The following DYM variants were observed in gnomAD, a reference collection of about 807,000 sequenced individuals.
DYM encodes dymeclin.
DYM carries 78 observed loss-of-function variants against 93.1 expected under a neutral mutation model. The observed-to-expected ratio is 0.84, with a 90% confidence interval of 0.70 to 1.01. The LOEUF is 1.01. Ranked by LOEUF, DYM falls within the 50% of genes least tolerant of loss-of-function variation. The pLI is 0.00. For synonymous variants in DYM, 321 were observed against 319.7 expected, an observed-to-expected ratio of 1.00 and a Z score of -0.04; for missense variants, 789 against 845.0, an observed-to-expected ratio of 0.93 and a Z score of 0.82.
intron 2 of DYM, among the ~76,000 whole-genome samples, chr18:49,422,751 T>A (rs566999766): frequency 2.6e-5 from 4 of 152,268 alleles, no homozygotes; most frequent in African/African-American, 4.8e-5. Context: ...GCAATCCTAG[T>A]CTCTGATAAA....
At chr18:49,341,908 C>T (rs1266339669) in intron 6 of DYM, among the ~76,000 whole-genome samples, 1 of 152,176 alleles carries the variant, frequency 6.6e-6, no homozygotes, top group Non-Finnish European at 1.5e-5. Context: ...TGAATATGTT[C>T]TATCAGCACT....
At chr18:49,440,518 T>A (rs1480282065) in intron 1 of DYM, among the ~76,000 whole-genome samples, 1 of 47,870 alleles carries the variant, frequency 2.1e-5, no homozygotes, top group Non-Finnish European at 3.4e-5. Flanking sequence ...TATTATATAT[T>A]TATATAATAT....
At chr18:49,377,205 C>T (rs1666306587) in intron 5 of DYM, among the ~76,000 whole-genome samples, 1 of 152,164 alleles carries the variant, frequency 6.6e-6, no homozygotes, top group African/African-American at 2.4e-5. Context: ...TTAAGAAATG[C>T]TTGAATGCAC....
intron 3 of DYM, among the ~76,000 whole-genome samples, chr18:49,384,687 T>A (rs2147787047): frequency 6.8e-6 from 1 of 147,846 alleles, no homozygotes; most frequent in African/African-American, 2.5e-5. Flanking sequence ...CTAGAAATGA[T>A]TAAGAAATAA....
At chr18:49,318,669 A>C (rs540621450) in intron 8 of DYM, among the ~76,000 whole-genome samples, 1 of 152,274 alleles carries the variant, frequency 6.6e-6, no homozygotes, top group South Asian at 2.1e-4. Context: ...TTTAAAAATA[A>C]GGGTCCCACA....
intron 1 of DYM, among the ~76,000 whole-genome samples, chr18:49,454,368 G>A (rs762449261): frequency 1.4e-4 from 21 of 152,156 alleles, no homozygotes; most frequent in Non-Finnish European, 2.2e-4. Context: ...GCTTGCACAC[G>A]ATAATGCCTG....
In DYM at chr18:49,434,982, C is replaced by T. The variant is rs371071103; in HGVS notation, c.-53-4535G>A. ...CAGCACTTTAGGAAGCCAAGGCAGG[C>T]GGATCACTTGAGGTCAGGAGTTCAA... is the stretch of plus-strand genomic sequence containing the variant. On this transcript the variant is annotated intron_variant, in intron 1 of 17. Transcript: ENST00000675505. Among the ~76,000 whole-genome samples, 5 of 151,864 alleles carry T rather than the reference C, an allele frequency of 3.3e-5. No individual in the cohort carries two copies. The East Asian group carries it at 5.8e-4, about 18-fold the overall frequency.
chr18:49,083,087 CA>C (rs143793852), intron 17 of DYM, among the ~76,000 whole-genome samples: 47,394 of 151,998 alleles, frequency 0.31, 8,579 homozygotes, highest in Middle Eastern at 0.45. Context: ...CTTTGTGAGC[CA>C]ATATGATCTT....
chr18:49,375,158 G>A (rs1034415386), intron 5 of DYM, among the ~76,000 whole-genome samples: 1 of 149,230 alleles, frequency 6.7e-6, no homozygotes, highest in African/African-American at 2.5e-5. Context: ...TAAACACCTG[G>A]GGCTCTCACA....
chr18:49,065,684 T>G (rs767876276), intron 17 of DYM, among the ~76,000 whole-genome samples: 38 of 152,116 alleles, frequency 2.5e-4, no homozygotes, highest in African/African-American at 8.4e-4. Flanking sequence ...TTTAACTACA[T>G]GCTTGTAGTA....
At chr18:49,240,249 G>A (rs2093978849) in intron 13 of DYM, among the ~76,000 whole-genome samples, 1 of 152,152 alleles carries the variant, frequency 6.6e-6, no homozygotes, top group Admixed American at 6.5e-5. Context: ...AAGGGCATTA[G>A]AGTGCTGGTT....
Position 49,227,434 on chromosome 18 carries a change from T to C in DYM, c.1461-17719A>G, listed in dbSNP as rs558223231. On this transcript the variant is annotated intron_variant, in intron 13 of 17. Transcript: ENST00000675505. ...CATAACGGTAAGAGTTTAAAGTCTATTGGAGTCATTAAAATAAGAACAAGT... is the reference window on the plus strand; with the variant it reads ...CATAACGGTAAGAGTTTAAAGTCTACTGGAGTCATTAAAATAAGAACAAGT... 2.7e-4 allele frequency among the ~76,000 whole-genome samples: 41 copies of C among 152,274 alleles called. No individual in the cohort carries two copies. In the South Asian group the frequency reaches 5.6e-3, roughly 21 times the overall value.
intron 13 of DYM, among the ~76,000 whole-genome samples, chr18:49,250,434 T>C (rs2094260256): frequency 6.6e-6 from 1 of 152,212 alleles, no homozygotes; most frequent in Non-Finnish European, 1.5e-5. Context: ...AACATGTAGC[T>C]TTCTCCTTTC....
chr18:49,073,881 T>A (rs996746597), intron 17 of DYM, among the ~76,000 whole-genome samples: 1 of 152,194 alleles, frequency 6.6e-6, no homozygotes, highest in Admixed American at 6.5e-5. Flanking sequence ...TTGGGTTGTG[T>A]CCAGGCCCAG....
chr18:49,059,472 A>G (rs2075772328), intron 17 of DYM, among the ~76,000 whole-genome samples: 1 of 152,232 alleles, frequency 6.6e-6, no homozygotes, highest in African/African-American at 2.4e-5. Context: ...AACAAATACA[A>G]TGGTGATACA....
intron 14 of DYM, among the ~76,000 whole-genome samples, chr18:49,170,179 C>T (rs1178396506): frequency 6.6e-6 from 1 of 152,138 alleles, no homozygotes; most frequent in African/African-American, 2.4e-5. Flanking sequence ...ATTCTCCCTC[C>T]CCCTTTTATA....
chr18:49,107,318 TCA>T (rs2080932324), intron 16 of DYM, among the ~76,000 whole-genome samples: 1 of 152,198 alleles, frequency 6.6e-6, no homozygotes, highest in Non-Finnish European at 1.5e-5. Context: ...TAATTTTTTT[TCA>T]CGATTTTTAA....
chr18:49,192,248 A>G (rs1335494487), intron 14 of DYM, among the ~76,000 whole-genome samples: 5 of 152,026 alleles, frequency 3.3e-5, no homozygotes, highest in Non-Finnish European at 1.5e-5. Context: ...ATCACTCTGT[A>G]CATCAGTTTC....
intron 8 of DYM, among the ~76,000 whole-genome samples, chr18:49,293,272 C>T (rs1346683164): frequency 6.6e-6 from 1 of 152,172 alleles, no homozygotes; most frequent in Non-Finnish European, 1.5e-5. Context: ...GTGAATAGTG[C>T]TGCAGTAAAC....
Sources: gnomAD v4.1 joint callset for allele counts (sites outside exome capture counted in the v4.1 genomes callset) on GRCh38, gnomAD v4.1.1 for gene constraint, MANE v1.5 for transcripts, NCBI Gene and HGNC (gene_info 2026-07-23, HGNC 2026-07-21) for gene names.